Variants in DNAJC1 observed in about 807,000 individuals in gnomAD.
DNAJC1 encodes the protein dnaJ homolog subfamily C member 1.
In DNAJC1, 58 loss-of-function variants were observed where a neutral mutation model predicts 76.6. The ratio of observed to expected loss-of-function variants is 0.76; its 90% CI spans 0.61 to 0.94. DNAJC1 has a LOEUF of 0.94. DNAJC1 is among the 40% of genes least tolerant of loss of function. The pLI, the probability that DNAJC1 is intolerant of heterozygous loss-of-function variation, is 0.00. For synonymous variants in DNAJC1, 258 were observed against 267.9 expected, an observed-to-expected ratio of 0.96 and a Z score of 0.36; for missense variants, 689 against 677.3, an observed-to-expected ratio of 1.02 and a Z score of -0.19.
intron 8 of DNAJC1, among the ~76,000 whole-genome samples, chr10:21,855,804 G>A (rs1221439604): frequency 9.1e-6 from 1 of 110,322 alleles, no homozygotes; most frequent in Non-Finnish European, 1.8e-5. Flanking sequence ...CACCCTGCCC[G>A]CCTTTTTTTT....
chr10:21,836,901 C>G (rs2131674445), intron 8 of DNAJC1, among the ~76,000 whole-genome samples: 1 of 152,262 alleles, frequency 6.6e-6, no homozygotes, highest in African/African-American at 2.4e-5. Flanking sequence ...CTCCCTCTCC[C>G]TCTCCGTCTC....
At chr10:21,773,477 T>C (rs1834414266) in intron 9 of DNAJC1, among the ~76,000 whole-genome samples, 1 of 152,214 alleles carries the variant, frequency 6.6e-6, no homozygotes, top group Non-Finnish European at 1.5e-5. Flanking sequence ...TTCATTCTAC[T>C]GGAATTAAAG....
chr10:21,922,029 A>C (rs1014083199), intron 3 of DNAJC1, among the ~76,000 whole-genome samples: 10 of 152,042 alleles, frequency 6.6e-5, no homozygotes, highest in African/African-American at 2.4e-4. Context: ...ATTTTAATTA[A>C]AAATATTCTG....
At chr10:21,803,991 AG>A in intron 9 of DNAJC1, 1 of 984,788 alleles carries the variant, frequency 1.0e-6, no homozygotes, top group Non-Finnish European at 1.2e-6. Context: ...AAGTCTAGGG[AG>A]GAAAAAAAGG....
chr10:21,946,136 G>T (rs577915408), intron 1 of DNAJC1, among the ~76,000 whole-genome samples: 19 of 143,576 alleles, frequency 1.3e-4, no homozygotes, highest in African/African-American at 4.2e-4. Flanking sequence ...CACCTCCCTG[G>T]TTCAAGCGAT....
At chr10:21,759,769 G>C (rs540373400) in intron 10 of DNAJC1, 151 bp from the exon 11 acceptor site, 9 of 707,898 alleles carry the variant, frequency 1.3e-5, no homozygotes, top group Non-Finnish European at 2.1e-5. Flanking sequence ...ATTCTAGAAA[G>C]ATAGGGATCA....
chr10:21,781,651 G>A (rs1241691628), intron 9 of DNAJC1, among the ~76,000 whole-genome samples: 2 of 150,850 alleles, frequency 1.3e-5, no homozygotes, highest in African/African-American at 4.9e-5. Context: ...AACCTGGGAG[G>A]CGGAGCTTGC....
intron 7 of DNAJC1, among the ~76,000 whole-genome samples, chr10:21,885,125 T>A (rs1027125672): frequency 6.6e-6 from 1 of 151,964 alleles, no homozygotes; most frequent in Non-Finnish European, 1.5e-5. Flanking sequence ...GAGACCCATC[T>A]CACAAGTAAC....
rs570920573 is a variant in DNAJC1 at position 21,926,119 on chromosome 10, CT to C, written c.371+2386del. Among the ~76,000 whole-genome samples, 41 of 152,190 alleles carry C rather than the reference CT, an allele frequency of 2.7e-4. 1 individual carries two copies. The East Asian group carries it at 7.9e-3, about 29-fold the overall frequency. ...GGCATGTGCCACCACGCCAGGCTAA[CT>C]TTTGTATTTTTTGCAGAGACGAGGT... On this transcript the variant is annotated intron_variant, in intron 3 of 11. Transcript: ENST00000376980.
intron 1 of DNAJC1, among the ~76,000 whole-genome samples, chr10:21,976,843 AAC>A (rs1195990206): frequency 6.6e-6 from 1 of 152,164 alleles, no homozygotes; most frequent in East Asian, 1.9e-4. Flanking sequence ...GGAAGAGACA[AAC>A]ACTGCAGCTT....
intron 1 of DNAJC1, among the ~76,000 whole-genome samples, chr10:21,970,198 A>G (rs1412340794): frequency 6.6e-6 from 1 of 152,170 alleles, no homozygotes; most frequent in Non-Finnish European, 1.5e-5. Flanking sequence ...TTATATTAAC[A>G]TAATTTTGTA....
At chr10:21,922,489 G>A (rs978868496) in intron 3 of DNAJC1, among the ~76,000 whole-genome samples, 4 of 151,892 alleles carry the variant, frequency 2.6e-5, no homozygotes, top group Non-Finnish European at 5.9e-5. Context: ...AGTCTACAAA[G>A]TAATGTATGG....
chr10:21,924,795 A>G (rs928621894), intron 3 of DNAJC1, among the ~76,000 whole-genome samples: 2 of 152,146 alleles, frequency 1.3e-5, no homozygotes, highest in Non-Finnish European at 2.9e-5. Flanking sequence ...ACACAAACCT[A>G]TGTTGTATAG....
intron 1 of DNAJC1, among the ~76,000 whole-genome samples, chr10:21,993,233 G>A (rs1299938006): frequency 2.0e-5 from 3 of 151,602 alleles, no homozygotes; most frequent in Non-Finnish European, 2.9e-5. Flanking sequence ...AAATGCATAC[G>A]CACACACACC....
intron 1 of DNAJC1, among the ~76,000 whole-genome samples, chr10:21,940,768 G>A (rs1449338112): frequency 6.6e-6 from 1 of 152,002 alleles, no homozygotes; most frequent in Non-Finnish European, 1.5e-5. Context: ...AATTACTGGG[G>A]GAATTGAGTT....
intron 7 of DNAJC1, among the ~76,000 whole-genome samples, chr10:21,894,309 G>A (rs977187459): frequency 2.6e-5 from 4 of 152,158 alleles, no homozygotes; most frequent in Non-Finnish European, 5.9e-5. Context: ...GACGGCTCAC[G>A]TCTGTAATCC....
intron 7 of DNAJC1, among the ~76,000 whole-genome samples, chr10:21,897,505 C>A (rs1276269262): frequency 6.6e-6 from 1 of 152,158 alleles, no homozygotes; most frequent in East Asian, 1.9e-4. Flanking sequence ...AGGAACCAGA[C>A]CGCCTAGCAG....
intron 9 of DNAJC1, among the ~76,000 whole-genome samples, chr10:21,787,487 T>A (rs1168913780): frequency 6.6e-6 from 1 of 152,088 alleles, no homozygotes; most frequent in African/African-American, 2.4e-5. Flanking sequence ...TAGAGACCCG[T>A]AGTGCTCATC....
chr10:21,997,378 C>T (rs1456950104), intron 1 of DNAJC1, among the ~76,000 whole-genome samples: 2 of 152,172 alleles, frequency 1.3e-5, no homozygotes, highest in African/African-American at 4.8e-5. Context: ...AATTTGTGCC[C>T]TCTCCTCTAC....
Sources: gnomAD v4.1 joint callset for allele counts (sites outside exome capture counted in the v4.1 genomes callset) on GRCh38, gnomAD v4.1.1 for gene constraint, MANE v1.5 for transcripts, NCBI Gene and HGNC (gene_info 2026-07-23, HGNC 2026-07-21) for gene names.